The following POU6F2 variants were observed in gnomAD, a reference collection of about 807,000 sequenced individuals.
The protein encoded by POU6F2 is POU domain, class 6, transcription factor 2.
A neutral mutation model predicts 71.3 loss-of-function variants in POU6F2; 31 were observed. That is an observed-to-expected ratio of 0.43 (90% CI 0.33 to 0.59). POU6F2 has a LOEUF of 0.59. POU6F2 is among the 20% of genes least tolerant of loss of function. POU6F2 has a pLI of 0.04. For synonymous variants in POU6F2, 347 were observed against 355.7 expected (o/e 0.98, Z 0.27); for missense variants, 783 against 856.8 (o/e 0.91, Z 1.07).
At chr7:39,424,164 G>A (rs1468344345) in intron 6 of POU6F2, among the ~76,000 whole-genome samples, 1 of 152,074 alleles carries the variant, frequency 6.6e-6, no homozygotes, top group Admixed American at 6.6e-5. Context: ...AATCCCATTT[G>A]ACCTAATCAC....
At chr7:39,055,154 G>A (rs1157122154) in intron 1 of POU6F2, among the ~76,000 whole-genome samples, 3 of 152,110 alleles carry the variant, frequency 2.0e-5, no homozygotes, top group Middle Eastern at 3.2e-3. Flanking sequence ...TAGATAGTGA[G>A]GAAAATAAAT....
At position 39,329,563 on chromosome 7, in the gene POU6F2, G is replaced by A. The variant is rs376311462; in HGVS notation, c.599-10079G>A. Among the ~76,000 whole-genome samples the A allele has an allele frequency of 3.9e-5, 6 of 152,136 alleles. No individual in the cohort carries two copies. In the East Asian group the frequency reaches 5.8e-4, roughly 15 times the overall value. The stretch of plus-strand genomic sequence containing the variant: ...CAAAATGTTTTGGAGTTTATGCCCC[G>A]TCCCCAGCTGGAATCAATGATTCAC... On this transcript the variant is annotated intron_variant, in intron 4 of 9. Transcript: ENST00000518318.
intron 1 of POU6F2, among the ~76,000 whole-genome samples, chr7:39,014,724 T>C (rs2128704544): frequency 6.6e-6 from 1 of 152,314 alleles, no homozygotes; most frequent in African/African-American, 2.4e-5. Flanking sequence ...CAAGATTTTT[T>C]TTTTCCTGTT....
intron 4 of POU6F2, among the ~76,000 whole-genome samples, chr7:39,270,305 G>A (rs796165743): frequency 5.3e-5 from 8 of 152,294 alleles, no homozygotes; most frequent in African/African-American, 1.9e-4. Context: ...GTAGCACCAT[G>A]GGTGCTTTGT....
At chr7:39,056,650 C>T (rs575547104) in intron 1 of POU6F2, among the ~76,000 whole-genome samples, 20 of 115,320 alleles carry the variant, frequency 1.7e-4, no homozygotes, top group East Asian at 4.4e-4. Context: ...TTCTCTTTTT[C>T]TCTCTCTCTC....
intron 2 of POU6F2, among the ~76,000 whole-genome samples, chr7:39,175,518 G>C (rs1793309076): frequency 6.6e-6 from 1 of 152,110 alleles, no homozygotes; most frequent in South Asian, 2.1e-4. Flanking sequence ...ACAGTGCCCA[G>C]GCCATGGTTA....
chr7:39,295,953 CA>C (rs1229025622), intron 4 of POU6F2, among the ~76,000 whole-genome samples: 2 of 152,184 alleles, frequency 1.3e-5, no homozygotes, highest in Non-Finnish European at 2.9e-5. Context: ...CACACTTTAG[CA>C]GAAATTAATG....
chr7:39,272,174 A>G (rs1250659491), intron 4 of POU6F2, among the ~76,000 whole-genome samples: 1 of 152,250 alleles, frequency 6.6e-6, no homozygotes, highest in African/African-American at 2.4e-5. Context: ...GGTTTTTAAG[A>G]AAACACAGCA....
chr7:39,073,774 A>T (rs1790939461), intron 1 of POU6F2, among the ~76,000 whole-genome samples: 1 of 152,254 alleles, frequency 6.6e-6, no homozygotes, highest in Admixed American at 6.5e-5. Flanking sequence ...CCACATTAGC[A>T]GTTCCCAGCG....
Position 39,150,225 on chromosome 7 carries a change from C to CTGTGTGTGTGTGTGTGTGTGTG in POU6F2, c.278-53996_278-53975dup, listed in dbSNP as rs60761447. Reference sequence around the variant, plus strand: ...CCTTTTTTAAGGCTGAGTAATATGTCTGTGTGTGTGTGTGTGTGTGTGTGT... The same window carrying CTGTGTGTGTGTGTGTGTGTGTG: ...CCTTTTTTAAGGCTGAGTAATATGTCTGTGTGTGTGTGTGTGTGTGTGTGTGTGTGTGTGTGTGTGTGTGTGT... On this transcript the variant is annotated intron_variant, in intron 2 of 9. Coordinates refer to ENST00000518318, the MANE Select transcript of POU6F2 (RefSeq NM_001370959.1). Among the ~76,000 whole-genome samples, 230 of 141,238 alleles carry CTGTGTGTGTGTGTGTGTGTGTG rather than the reference C, an allele frequency of 1.6e-3. 2 individuals are homozygous for CTGTGTGTGTGTGTGTGTGTGTG. Among genetic ancestry groups the CTGTGTGTGTGTGTGTGTGTGTG allele is most frequent in the African/African-American group, 5.7e-3 (213 of 37,098 alleles). The allele number at this position is 141,238 out of a possible 152,430, so 92.7% of individuals were successfully genotyped here.
At chr7:39,336,381 T>C (rs541300830) in intron 4 of POU6F2, among the ~76,000 whole-genome samples, 1 of 152,320 alleles carries the variant, frequency 6.6e-6, no homozygotes, top group East Asian at 1.9e-4. Flanking sequence ...TTCTGGACAT[T>C]TCATATGAAT....
At chr7:39,111,005 ATAAAT>A (rs148149779) in intron 2 of POU6F2, among the ~76,000 whole-genome samples, 4,533 of 152,294 alleles carry the variant, frequency 0.03, 94 homozygotes, top group Middle Eastern at 0.079. Context: ...AAAATTTTAA[ATAAAT>A]TGTATATTTT....
At chr7:39,211,104 G>T (rs950137916) in intron 4 of POU6F2, among the ~76,000 whole-genome samples, 2 of 152,058 alleles carry the variant, frequency 1.3e-5, no homozygotes, top group African/African-American at 4.8e-5. Context: ...CACTAATTTC[G>T]TCATGAGGGC....
At position 39,464,581 on chromosome 7, in the gene POU6F2, T is replaced by C; in HGVS notation, c.2058T>C (p.Asn686=). The C allele has an allele frequency of 3.1e-6, 5 of 1,612,046 alleles. No homozygotes were observed. The highest frequency in any genetic ancestry group is 4.2e-6 in the Non-Finnish European group (5 of 1,179,112). ...AAGTAGTTAGAGTTTGGTTCTGCAA[T>C]AAGAGGCAAGCCCTGAAGAACACAA... ...DREVVRVWFC[N]KRQALKNTIK... The change falls in exon 10 of 10, where the codon AAT becomes AAC. Residue 686 remains asparagine, a synonymous_variant. Coordinates refer to ENST00000518318, the MANE Select transcript of POU6F2 (RefSeq NM_001370959.1). The surrounding 1 kb of genome is among the most constrained non-coding windows in gnomAD (Gnocchi z 4.1).
intron 5 of POU6F2, among the ~76,000 whole-genome samples, chr7:39,395,132 C>T (rs1443877538): frequency 1.3e-5 from 2 of 152,142 alleles, no homozygotes; most frequent in Non-Finnish European, 2.9e-5. Flanking sequence ...TTCTAAAGTT[C>T]ACATCTGATC....
chr7:39,395,732 A>T (rs2237405), intron 5 of POU6F2, among the ~76,000 whole-genome samples: 2,794 of 152,296 alleles, frequency 0.018, 74 homozygotes, highest in East Asian at 0.11. Flanking sequence ...TCTGCACTCA[A>T]TAGCACCTAT....
rs112704183 is a variant in POU6F2, at chr7:39,413,104, T to C, written c.1113+6364T>C. On this transcript the variant is annotated intron_variant, in intron 6 of 9. Coordinates refer to ENST00000518318, the MANE Select transcript of POU6F2 (RefSeq NM_001370959.1). The stretch of plus-strand genomic sequence containing the variant: ...CAGGCGTGAGCCACCGCGCCCGGCC[T>C]TCTTGCTTATTTTTAAAAGAAACAG... 2.1e-3 allele frequency among the ~76,000 whole-genome samples: 320 copies of C among 151,876 alleles called. 3 individuals carry two copies. The highest frequency in any genetic ancestry group is 7.2e-3 in the African/African-American group (297 of 41,460).
intron 6 of POU6F2, among the ~76,000 whole-genome samples, chr7:39,413,146 G>A (rs958222826): frequency 6.6e-6 from 1 of 150,592 alleles, no homozygotes; most frequent in African/African-American, 2.4e-5. Context: ...AGGAGCCGCG[G>A]GAAGCAGCCA....
intron 2 of POU6F2, among the ~76,000 whole-genome samples, chr7:39,165,065 A>G (rs914689161): frequency 6.6e-6 from 1 of 152,188 alleles, no homozygotes; most frequent in Non-Finnish European, 1.5e-5. Context: ...CTCCACTAGG[A>G]TCAATGATTA....
Sources: allele counts gnomAD v4.1 joint callset (sites outside exome capture counted in the v4.1 genomes callset), GRCh38; gene constraint gnomAD v4.1.1; non-coding constraint Gnocchi (gnomAD v3.1); transcripts MANE v1.5; gene names NCBI Gene and HGNC (gene_info 2026-07-23, HGNC 2026-07-21).